DOP1A: variants seen among roughly 807,000 people sequenced by gnomAD.
The protein encoded by DOP1A is protein DOP1A.
DOP1A carries 90 observed loss-of-function variants against 267.6 expected under a neutral mutation model. The observed-to-expected ratio is 0.34, with a 90% CI of 0.28 to 0.40. DOP1A has a LOEUF of 0.40. Ranked by LOEUF, DOP1A falls within the 10% of genes least tolerant of loss-of-function variation. The pLI is 1.00. For missense variants in DOP1A, 2,437 were observed against 2,900.4 expected, an observed-to-expected ratio of 0.84 and a Z score of 3.67; for synonymous variants, 932 against 999.1, an observed-to-expected ratio of 0.93 and a Z score of 1.27.
chr6:83,143,322 G>A (rs1243638913), intron 24 of DOP1A, among the ~76,000 whole-genome samples: 2 of 152,104 alleles, frequency 1.3e-5, no homozygotes, highest in Non-Finnish European at 2.9e-5. Flanking sequence ...GAATTATCAG[G>A]TATATTACAG....
intron 38 of DOP1A, chr6:83,165,749 C>A: frequency 4.2e-6 from 1 of 238,976 alleles, no homozygotes; most frequent in South Asian, 5.2e-5. Flanking sequence ...CCAATTAGTT[C>A]AATTTTCGAA....
intron 15 of DOP1A, among the ~76,000 whole-genome samples, chr6:83,128,177 C>T (rs1193099332): frequency 2.6e-5 from 4 of 152,188 alleles, no homozygotes; most frequent in Non-Finnish European, 4.4e-5. Context: ...CTGACTCAGT[C>T]ACCCAAGGAA....
At chr6:83,142,968 T>C (rs1779897619) in intron 24 of DOP1A, among the ~76,000 whole-genome samples, 1 of 152,228 alleles carries the variant, frequency 6.6e-6, no homozygotes, top group African/African-American at 2.4e-5. Context: ...ATTCCTGATT[T>C]TGTGCTGATT....
rs41271565 is a variant in DOP1A at position 83,137,607 on chromosome 6, C to G, written c.3565C>G (p.Pro1189Ala). Residue 1189 changes from proline (P) to alanine (A), a missense_variant, in exon 21 of 39, where the codon CCA becomes GCA. By Grantham distance (27) the Pro-to-Ala change is conservative. Around this residue, in one of 9 missense-constraint regions of DOP1A, gnomAD observed 878 missense variants for 992.9 expected, o/e 0.88. Coordinates refer to ENST00000349129, the MANE Select transcript of DOP1A (RefSeq NM_015018.4). ...AMPPKCSDID[P>A]DEETIKIEDD... The stretch of plus-strand genomic sequence containing the variant: ...GCCCCCAAAGTGCAGTGATATAGAT[C>G]CAGATGAAGAGACGATTAAAATTGA... 3.0e-3 allele frequency: 4,773 copies of G among 1,613,768 alleles called. 10 individuals carry two copies. The highest frequency in any genetic ancestry group is 3.7e-3 in the Non-Finnish European group (4,352 of 1,179,812).
chr6:83,164,959 A>C, intron 38 of DOP1A: 1 of 426,650 alleles, frequency 2.3e-6, no homozygotes, highest in Non-Finnish European at 4.1e-6. Context: ...AATCAAGTGT[A>C]TTCTTCTTGG....
intron 3 of DOP1A, among the ~76,000 whole-genome samples, chr6:83,100,266 G>T (rs563433337): frequency 2.0e-5 from 3 of 152,110 alleles, no homozygotes; most frequent in Admixed American, 2.0e-4. Context: ...TAGGACAATG[G>T]TTGTACCTCT....
chr6:83,170,186 A>C, downstream of DOP1A: 1 of 892,816 alleles, frequency 1.1e-6, no homozygotes, highest in South Asian at 1.8e-5. Context: ...ATGTGAACCT[A>C]AAAGGCTCAA....
At chr6:83,088,419 C>CTTTTTTT (rs746293399) in intron 1 of DOP1A, among the ~76,000 whole-genome samples, 3 of 115,572 alleles carry the variant, frequency 2.6e-5, no homozygotes, top group Non-Finnish European at 3.5e-5. Flanking sequence ...TGTCTTCCAT[C>CTTTTTTT]TTTTTTTTTT....
intron 38 of DOP1A, chr6:83,164,751 G>A (rs1785050465): frequency 6.4e-7 from 1 of 1,555,438 alleles, no homozygotes; most frequent in Non-Finnish European, 8.7e-7. Context: ...TTATGATATG[G>A]CAGCAAAAGT....
chr6:83,118,064 T>G (rs1390470971), intron 7 of DOP1A, among the ~76,000 whole-genome samples: 1 of 152,310 alleles, frequency 6.6e-6, no homozygotes, highest in East Asian at 1.9e-4. Flanking sequence ...GCTAAGCACT[T>G]AGCCAAAACC....
intron 4 of DOP1A, among the ~76,000 whole-genome samples, chr6:83,101,990 C>T (rs553896489): frequency 3.7e-4 from 56 of 152,254 alleles, no homozygotes; most frequent in Non-Finnish European, 7.5e-4. Flanking sequence ...TTCCCATTTT[C>T]TCCTGCCCTT....
intron 1 of DOP1A, among the ~76,000 whole-genome samples, chr6:83,086,729 C>A (rs551187815): frequency 1.2e-4 from 18 of 152,024 alleles, no homozygotes; most frequent in African/African-American, 4.3e-4. Context: ...GATTTTTATA[C>A]GGGTTTTTTT....
chr6:83,073,044 A>G, intron 1 of DOP1A: 1 of 307,454 alleles, frequency 3.3e-6, no homozygotes, highest in Non-Finnish European at 6.5e-6. Context: ...CTTCCATATT[A>G]TATACAGCAT....
In DOP1A at chr6:83,122,841, GTTTTC is replaced by G. The variant is rs1430572198; in HGVS notation, c.1221-15_1221-11del. On this transcript the variant is annotated splice_polypyrimidine_tract_variant and intron_variant, in intron 11 of 38. Transcript: ENST00000349129. The stretch of plus-strand genomic sequence containing the variant: ...CAAATGTTAATATTTTTTAGTTTTT[GTTTTC>G]TTTTCTCTTTTTTCAGTAAATTAAG... The G allele has an allele frequency of 2.4e-5, 34 of 1,422,518 alleles. No individual in the cohort carries two copies. The highest frequency in any genetic ancestry group is 2.9e-5 in the Non-Finnish European group (31 of 1,078,842). The allele number at this position is 1,422,518 out of a possible 1,614,324, so 88.1% of individuals were successfully genotyped here. A position where few individuals can be genotyped will look rare whatever the true frequency, so the allele number is the denominator to read the frequency against.
chr6:83,158,123 C>T (rs962114638), intron 35 of DOP1A, among the ~76,000 whole-genome samples: 5 of 152,004 alleles, frequency 3.3e-5, no homozygotes, highest in South Asian at 4.1e-4. Flanking sequence ...CTCAGCCTCC[C>T]GAGTAGCTGG....
At chr6:83,114,774 A>G (rs1157783353) in intron 7 of DOP1A, among the ~76,000 whole-genome samples, 1 of 152,156 alleles carries the variant, frequency 6.6e-6, no homozygotes, top group East Asian at 1.9e-4. Flanking sequence ...CTGCCAGCCA[A>G]AATGTTCTAG....
chr6:83,152,235 A>T, intron 29 of DOP1A, 53 bp from the exon 30 acceptor site: 1 of 1,064,462 alleles, frequency 9.4e-7, no homozygotes, highest in African/African-American at 1.7e-5. Context: ...CACACACATA[A>T]AATTTATTTT....
intron 37 of DOP1A, 94 bp from the exon 38 acceptor site, chr6:83,162,696 G>C: frequency 1.5e-6 from 2 of 1,375,296 alleles, no homozygotes; most frequent in Non-Finnish European, 1.9e-6. Flanking sequence ...TTTATAAGCA[G>C]TGGGGTCATG....
intron 1 of DOP1A, among the ~76,000 whole-genome samples, chr6:83,077,169 T>G (rs752187504): frequency 6.6e-6 from 1 of 151,012 alleles, no homozygotes; most frequent in Non-Finnish European, 1.5e-5. Flanking sequence ...ATAATGTGAA[T>G]GTACTTAACA....
Sources: gnomAD v4.1 joint callset for allele counts (sites outside exome capture counted in the v4.1 genomes callset) on GRCh38, gnomAD v4.1.1 for gene constraint, gnomAD v4.1.1 regional missense constraint, MANE v1.5 for transcripts, NCBI Gene and HGNC (gene_info 2026-07-23, HGNC 2026-07-21) for gene names.